Variants in ADAM10 observed in about 807,000 individuals in gnomAD.
The protein encoded by ADAM10 is disintegrin and metalloproteinase domain-containing protein 10.
In ADAM10, 17 loss-of-function variants were observed where a neutral mutation model predicts 90.1. The ratio of observed to expected loss-of-function variants is 0.19; its 90% confidence interval spans 0.13 to 0.28. The LOEUF (loss-of-function observed/expected upper bound fraction) is 0.28. Ranked by LOEUF, ADAM10 falls within the 10% of genes least tolerant of loss-of-function variation. ADAM10 has a pLI of 1.00. For synonymous variants in ADAM10, 310 were observed against 298.6 expected (o/e 1.04, Z -0.40); for missense variants, 610 against 914.3 (o/e 0.67, Z 4.29).
chr15:58,619,322 G>T (rs748040629), intron 11 of ADAM10, among the ~76,000 whole-genome samples: 2 of 152,160 alleles, frequency 1.3e-5, no homozygotes, highest in Non-Finnish European at 2.9e-5. Context: ...GTTACAAGAG[G>T]ATGAGAAGGG....
rs199815305 is a variant in ADAM10 at position 58,682,204 on chromosome 15, T to C, written c.317A>G (p.His106Arg). The C allele has an allele frequency of 4.3e-6, 7 of 1,612,444 alleles. No individual in the cohort carries two copies. In the South Asian group the frequency reaches 4.4e-5, roughly 10 times the overall value. Residue 106 changes from histidine (H) to arginine (R), a missense_variant, in exon 3 of 16, where the codon CAT becomes CGT. Physicochemically the swap from His to Arg is conservative, Grantham distance 29 (BLOSUM62 0). Around this residue, in one of 4 missense-constraint regions of ADAM10, gnomAD observed 310 missense variants for 362.4 expected, o/e 0.86. Transcript: ENST00000260408. ...DYDTSHIYTGHIYGEEGSFSH... is the reference protein window; with the variant it reads ...DYDTSHIYTGRIYGEEGSFSH... ...GTTAAGGTCCAACTTACCATAAATA[T>C]GTCCAGTGTAAATATGAGAGGTATC... is the stretch of plus-strand genomic sequence containing the variant.
At chr15:58,730,770 C>A (rs1166719469) in intron 1 of ADAM10, among the ~76,000 whole-genome samples, 1 of 152,108 alleles carries the variant, frequency 6.6e-6, no homozygotes, top group Non-Finnish European at 1.5e-5. Flanking sequence ...GAAGATCCAC[C>A]TGCACTGTGG....
chr15:58,652,138 G>T (rs1427011265), intron 5 of ADAM10, among the ~76,000 whole-genome samples: 1 of 151,926 alleles, frequency 6.6e-6, no homozygotes, highest in Non-Finnish European at 1.5e-5. Context: ...TATATATTCT[G>T]GTTATTAATC....
chr15:58,643,091 T>C (rs1294752450), intron 7 of ADAM10, among the ~76,000 whole-genome samples: 2 of 152,134 alleles, frequency 1.3e-5, no homozygotes, highest in Non-Finnish European at 2.9e-5. Flanking sequence ...CGGTTGTTTA[T>C]TTAGCATATA....
At chr15:58,637,035 T>C (rs114262984) in intron 8 of ADAM10, among the ~76,000 whole-genome samples, 2,638 of 152,318 alleles carry the variant, frequency 0.017, 78 homozygotes, top group African/African-American at 0.06. Flanking sequence ...AAGTGTCCTA[T>C]TGCAATATTT....
chr15:58,729,174 A>G (rs1464868191), intron 1 of ADAM10, among the ~76,000 whole-genome samples: 1 of 152,158 alleles, frequency 6.6e-6, no homozygotes, highest in Non-Finnish European at 1.5e-5. Context: ...CCTGGGCAAC[A>G]TAGCGAGACC....
chr15:58,739,672 A>G (rs1899542320), intron 1 of ADAM10, among the ~76,000 whole-genome samples: 1 of 152,244 alleles, frequency 6.6e-6, no homozygotes, highest in Non-Finnish European at 1.5e-5. Flanking sequence ...CCTCTCCGTT[A>G]TGCTAGATTA....
At chr15:58,692,346 C>A (rs756420432) in intron 2 of ADAM10, 3 of 605,170 alleles carry the variant, frequency 5.0e-6, no homozygotes, top group South Asian at 1.4e-5. Context: ...TGGTCCAAAT[C>A]GGCTTGGTCT....
intron 15 of ADAM10, 64 bp downstream of exon 15, chr15:58,599,533 AT>A: frequency 1.3e-6 from 2 of 1,555,732 alleles, no homozygotes; most frequent in Non-Finnish European, 1.8e-6. Flanking sequence ...CTCATTTATA[AT>A]TCAATTCTAC....
chr15:58,599,655 A>G lies in ADAM10; in HGVS notation c.2095T>C (p.Cys699Arg). The change falls in exon 15 of 16, where the codon TGC (cysteine) becomes CGC (arginine). Residue 699 changes from cysteine to arginine, a missense_variant. By Grantham distance (180) the Cys-to-Arg change is radical. Coordinates refer to ENST00000260408, the MANE Select transcript of ADAM10 (RefSeq NM_001110.4). ...IMLMAGFIKI[C>R]SVHTPSSNPK... is the part of the protein sequence containing the mutation. ...TTACTACTTGGAGTATGAACACTGCATATCTTAATAAATCCAGCCATTAGC... is the reference window on the plus strand; with the variant it reads ...TTACTACTTGGAGTATGAACACTGCGTATCTTAATAAATCCAGCCATTAGC... The G allele has an allele frequency of 6.2e-7, 1 of 1,613,542 alleles. No homozygotes were observed. Among genetic ancestry groups the G allele is most frequent in the Non-Finnish European group, 8.5e-7 (1 of 1,179,686 alleles).
intron 1 of ADAM10, among the ~76,000 whole-genome samples, chr15:58,724,928 T>A (rs567892051): frequency 6.6e-6 from 1 of 152,064 alleles, no homozygotes; most frequent in Non-Finnish European, 1.5e-5. Context: ...CGGTGGTTCA[T>A]ACCTATAATC....
chr15:58,738,002 T>C (rs922274742), intron 1 of ADAM10, among the ~76,000 whole-genome samples: 8 of 152,284 alleles, frequency 5.3e-5, no homozygotes, highest in South Asian at 2.1e-4. Context: ...AAATCTGCAA[T>C]AATGTTTTGA....
At chr15:58,598,576 T>C (rs756573010) in intron 15 of ADAM10, among the ~76,000 whole-genome samples, 1 of 152,192 alleles carries the variant, frequency 6.6e-6, no homozygotes, top group Non-Finnish European at 1.5e-5. Context: ...GGTAGTGGAT[T>C]TGCCTGAGGC....
At chr15:58,699,413 A>G (rs1898068180) in intron 2 of ADAM10, among the ~76,000 whole-genome samples, 1 of 152,164 alleles carries the variant, frequency 6.6e-6, no homozygotes, top group African/African-American at 2.4e-5. Context: ...TGTTACCACT[A>G]AAGAAAACCA....
At chr15:58,748,884 G>C (rs1264725316) in intron 1 of ADAM10, 5 of 399,052 alleles carry the variant, frequency 1.3e-5, no homozygotes, top group African/African-American at 1.0e-4. Flanking sequence ...GCCACTCCAC[G>C]GGCGGCCCCT....
intron 10 of ADAM10, among the ~76,000 whole-genome samples, chr15:58,625,274 G>C (rs1005253688): frequency 6.6e-6 from 1 of 152,018 alleles, no homozygotes; most frequent in East Asian, 1.9e-4. Context: ...CTAGTATCTA[G>C]ACTATATAAA....
At chr15:58,626,004 G>C (rs942347950) in intron 10 of ADAM10, among the ~76,000 whole-genome samples, 34 of 152,278 alleles carry the variant, frequency 2.2e-4, no homozygotes, top group African/African-American at 8.2e-4. Flanking sequence ...AGGGACAACA[G>C]AAGGGAGGTA....
intron 9 of ADAM10, among the ~76,000 whole-genome samples, chr15:58,632,829 C>A (rs899693717): frequency 3.3e-5 from 5 of 152,112 alleles, no homozygotes; most frequent in Non-Finnish European, 5.9e-5. Flanking sequence ...GAATTTCTCA[C>A]AATTTGCTGA....
chr15:58,692,818 C>CCAAT (rs1897864367), intron 2 of ADAM10: 1 of 643,356 alleles, frequency 1.6e-6, no homozygotes, highest in East Asian at 4.0e-5. Flanking sequence ...ACCAAATTGC[C>CCAAT]CAATCATGGA....
Sources: gnomAD v4.1 joint callset for allele counts (sites outside exome capture counted in the v4.1 genomes callset) on GRCh38, gnomAD v4.1.1 for gene constraint, gnomAD v4.1.1 regional missense constraint, MANE v1.5 for transcripts, NCBI Gene and HGNC (gene_info 2026-07-23, HGNC 2026-07-21) for gene names.